The following VPS13B variants were observed in gnomAD, a reference collection of about 807,000 sequenced individuals.
VPS13B encodes intermembrane lipid transfer protein VPS13B.
In VPS13B, 285 loss-of-function variants were observed where a neutral mutation model predicts 426.4. The observed-to-expected ratio is 0.67, with a 90% CI of 0.61 to 0.74. The LOEUF (loss-of-function observed/expected upper bound fraction) is 0.74. Among genes scored for constraint, VPS13B ranks in the 30% least tolerant of loss-of-function variants. The pLI is 0.00. For missense variants in VPS13B, 4,537 were observed against 4,782.6 expected (o/e 0.95, Z 1.51); for synonymous variants, 1,676 against 1,676.4 (o/e 1.00, Z 0.01).
chr8:99,866,900 CTT>C (rs689483), intron 58 of VPS13B, among the ~76,000 whole-genome samples: 2,478 of 152,332 alleles, frequency 0.016, 64 homozygotes, highest in African/African-American at 0.057. Flanking sequence ...GACCCTCACT[CTT>C]GATAGCTGGG....
chr8:99,570,307 C>G (rs1486551203), intron 31 of VPS13B, among the ~76,000 whole-genome samples: 1 of 151,988 alleles, frequency 6.6e-6, no homozygotes, highest in Non-Finnish European at 1.5e-5. Flanking sequence ...TCTGTTCTCT[C>G]ATTTTGGAAT....
chr8:99,359,852 G>A (rs1011824430), intron 19 of VPS13B, among the ~76,000 whole-genome samples: 1 of 152,148 alleles, frequency 6.6e-6, no homozygotes, highest in Non-Finnish European at 1.5e-5. Flanking sequence ...GCCCAGGCTG[G>A]AGTGCAGTGA....
intron 19 of VPS13B, among the ~76,000 whole-genome samples, chr8:99,325,532 G>A (rs918773080): frequency 5.3e-5 from 8 of 152,224 alleles, no homozygotes; most frequent in East Asian, 3.9e-4. Context: ...CCCTATCAAA[G>A]GCAATTTTGT....
chr8:99,854,234 C>T lies in VPS13B; in HGVS notation c.10845C>T (p.Ala3615=), dbSNP rs781485612. The T allele has an allele frequency of 6.1e-5, 98 of 1,613,778 alleles. No homozygotes were observed. Among genetic ancestry groups the T allele is most frequent in the Admixed American group, 2.0e-4 (12 of 59,980 alleles). Residue 3615 remains alanine (A), a synonymous_variant, in exon 56 of 62, where the codon GCC becomes GCT. Transcript: ENST00000357162. ...TGCACGCCCTGGCAATGCACTATGC[C>T]GCTGGGGCCCTTTTTAGAGCAGGTA... is the stretch of plus-strand genomic sequence containing the variant. The part of the protein sequence containing the change: ...QLVHALAMHY[A]AGALFRAGWV...
At chr8:99,429,101 A>G (rs1816928852) in intron 21 of VPS13B, among the ~76,000 whole-genome samples, 1 of 152,154 alleles carries the variant, frequency 6.6e-6, no homozygotes, top group Non-Finnish European at 1.5e-5. Context: ...GGACACAGGA[A>G]GGGGAACATC....
At chr8:99,604,495 G>GTTTTT (rs767971168) in intron 33 of VPS13B, among the ~76,000 whole-genome samples, 4 of 115,288 alleles carry the variant, frequency 3.5e-5, no homozygotes, top group South Asian at 3.0e-4. Context: ...TTTCCTTGGT[G>GTTTTT]TTTTTTTTTT....
intron 36 of VPS13B, among the ~76,000 whole-genome samples, chr8:99,707,910 C>G (rs1004843630): frequency 2.6e-5 from 4 of 152,110 alleles, no homozygotes; most frequent in African/African-American, 9.7e-5. Flanking sequence ...TAGATCAAGA[C>G]CATTTTCTAA....
At chr8:99,832,341 A>ATGTTTTT in intron 51 of VPS13B, 28 bp from the exon 52 acceptor site, 2 of 1,192,548 alleles carry the variant, frequency 1.7e-6, no homozygotes, top group Admixed American at 3.6e-5. Context: ...TGCTCTCTGC[A>ATGTTTTT]TTTTTTTTTT....
At chr8:99,377,948 G>T (rs564882472) in intron 19 of VPS13B, among the ~76,000 whole-genome samples, 1 of 152,170 alleles carries the variant, frequency 6.6e-6, no homozygotes. Flanking sequence ...GTGTCCCGCT[G>T]TGCACTCATT....
At chr8:99,665,988 A>C (rs867762961) in intron 35 of VPS13B, among the ~76,000 whole-genome samples, 2 of 152,100 alleles carry the variant, frequency 1.3e-5, no homozygotes, top group Middle Eastern at 6.8e-3. Context: ...ATCCTCTTTT[A>C]TTTCATTGAG....
chr8:99,805,166 T>C (rs372322619), intron 43 of VPS13B, among the ~76,000 whole-genome samples: 7 of 151,712 alleles, frequency 4.6e-5, no homozygotes, highest in Middle Eastern at 3.4e-3. Flanking sequence ...GATTGGGACA[T>C]TTTTTGAAGT....
rs557865375 is a variant in VPS13B at position 99,330,498 on chromosome 8, G to C, written c.2825-53710G>C. On this transcript the variant is annotated intron_variant, in intron 19 of 61. Coordinates refer to ENST00000357162, the MANE Select transcript of VPS13B (RefSeq NM_152564.5). ...AGTTGTTTCTTACCCCTGACCTAAA[G>C]CTCATGCATTATTCCTTCTGTTATC... Among the ~76,000 whole-genome samples the C allele has an allele frequency of 6.7e-3, 958 of 142,396 alleles. 9 individuals carry two copies. The highest frequency in any genetic ancestry group is 0.044 in the Middle Eastern group (12 of 270). The allele number at this position is 142,396 out of a possible 152,430, so 93.4% of individuals were successfully genotyped here.
chr8:99,074,261 A>T (rs1051776249), intron 3 of VPS13B, among the ~76,000 whole-genome samples: 8 of 152,146 alleles, frequency 5.3e-5, no homozygotes, highest in Admixed American at 2.0e-4. Context: ...AGGTTTTATC[A>T]TGAAGGTATG....
chr8:99,114,686 C>T (rs921220047), intron 6 of VPS13B, among the ~76,000 whole-genome samples: 1 of 152,198 alleles, frequency 6.6e-6, no homozygotes, highest in East Asian at 1.9e-4. Context: ...AAAGCTTGTG[C>T]TCATATTTGA....
At chr8:99,854,620 T>A (rs1231639743) in intron 56 of VPS13B, among the ~76,000 whole-genome samples, 2 of 151,652 alleles carry the variant, frequency 1.3e-5, no homozygotes, top group African/African-American at 2.4e-5. Flanking sequence ...GCACACACTT[T>A]TTTTTAGCAA....
At chr8:99,454,404 A>T (rs1361005589) in intron 23 of VPS13B, among the ~76,000 whole-genome samples, 1 of 152,126 alleles carries the variant, frequency 6.6e-6, no homozygotes, top group African/African-American at 2.4e-5. Context: ...TCCTGGTCTT[A>T]GGTGATCCTC....
intron 19 of VPS13B, among the ~76,000 whole-genome samples, chr8:99,298,784 G>A (rs1725770542): frequency 6.6e-6 from 1 of 152,174 alleles, no homozygotes; most frequent in Non-Finnish European, 1.5e-5. Context: ...GACTTTGGGA[G>A]TTAATTGTCT....
intron 23 of VPS13B, among the ~76,000 whole-genome samples, chr8:99,447,632 T>C (rs2133452302): frequency 6.6e-6 from 1 of 152,280 alleles, no homozygotes; most frequent in Admixed American, 6.5e-5. Flanking sequence ...GCTTTAATTA[T>C]CTTTACTCTT....
At chr8:99,786,798 G>A (rs1393322646) in intron 43 of VPS13B, among the ~76,000 whole-genome samples, 1 of 152,096 alleles carries the variant, frequency 6.6e-6, no homozygotes, top group Non-Finnish European at 1.5e-5. Flanking sequence ...ATTTCTGTAT[G>A]CTAATGTAAG....
Sources: gnomAD v4.1 joint callset for allele counts (sites outside exome capture counted in the v4.1 genomes callset) on GRCh38, gnomAD v4.1.1 for gene constraint, MANE v1.5 for transcripts, NCBI Gene and HGNC (gene_info 2026-07-23, HGNC 2026-07-21) for gene names.